GRID2: variants seen among roughly 807,000 people sequenced by gnomAD.
GRID2 encodes glutamate receptor ionotropic, delta-2.
A neutral mutation model predicts 114.8 loss-of-function variants in GRID2; 33 were observed. That is an observed-to-expected ratio of 0.29 (90% CI 0.22 to 0.38). The LOEUF is 0.38. Ranked by LOEUF, GRID2 falls within the 10% of genes least tolerant of loss-of-function variation. The pLI is 1.00. For synonymous variants in GRID2, 505 were observed against 449.9 expected (o/e 1.12, Z -1.55); for missense variants, 1,184 against 1,257.7 (o/e 0.94, Z 0.89).
intron 1 of GRID2, among the ~76,000 whole-genome samples, chr4:92,389,977 G>A (rs540495047): frequency 6.3e-4 from 96 of 152,146 alleles, no homozygotes; most frequent in African/African-American, 2.2e-3. Flanking sequence ...GAAATTCTGG[G>A]AAATGGAGAA....
At chr4:93,438,886 T>C (rs867816639) in intron 10 of GRID2, among the ~76,000 whole-genome samples, 1 of 142,890 alleles carries the variant, frequency 7.0e-6, no homozygotes, top group South Asian at 2.5e-4. Flanking sequence ...CCCGTGTCCA[T>C]GTGTTCTCAT....
intron 1 of GRID2, among the ~76,000 whole-genome samples, chr4:92,380,564 T>A (rs1729571447): frequency 6.6e-6 from 1 of 152,078 alleles, no homozygotes; most frequent in African/African-American, 2.4e-5. Context: ...TTGACTTATG[T>A]TGCATATATA....
intron 8 of GRID2, among the ~76,000 whole-genome samples, chr4:93,249,086 A>G (rs911849647): frequency 2.0e-5 from 3 of 152,204 alleles, no homozygotes; most frequent in South Asian, 2.1e-4. Context: ...AGTTTTCTGC[A>G]TATGGCTAGC....
At position 92,823,245 on chromosome 4, in the gene GRID2, A is replaced by G. The variant is rs147069281; in HGVS notation, c.244+232959A>G. 8.3e-3 allele frequency among the ~76,000 whole-genome samples: 1,264 copies of G among 152,256 alleles called. 14 individuals are homozygous for G. The highest frequency in any genetic ancestry group is 0.028 in the African/African-American group (1,162 of 41,544). ...ATTGCCAATTGGTACAAGGATTAAA[A>G]TTAGGAACTATGAACATTTCATGGC... On this transcript the variant is annotated intron_variant, in intron 2 of 15. Transcript: ENST00000282020.
chr4:93,095,218 T>C (rs901555851), intron 3 of GRID2, among the ~76,000 whole-genome samples: 24 of 152,000 alleles, frequency 1.6e-4, no homozygotes, highest in African/African-American at 5.3e-4. Context: ...GGTGGTTTGT[T>C]GCGCCCATCG....
At chr4:93,798,283 G>A (rs143032924) in intron 1 of GRID2, among the ~76,000 whole-genome samples, 1 of 152,110 alleles carries the variant, frequency 6.6e-6, no homozygotes, top group Non-Finnish European at 1.5e-5. Context: ...TGTGGTGTAG[G>A]ATCACAGTCT....
intron 4 of GRID2, among the ~76,000 whole-genome samples, chr4:93,156,192 T>C (rs1415297755): frequency 6.6e-6 from 1 of 151,814 alleles, no homozygotes; most frequent in African/African-American, 2.4e-5. Flanking sequence ...CACAGTGTTA[T>C]ATGAGTTTAT....
At chr4:93,330,759 A>G (rs1407139624) in intron 8 of GRID2, among the ~76,000 whole-genome samples, 5 of 152,092 alleles carry the variant, frequency 3.3e-5, no homozygotes, top group Non-Finnish European at 7.4e-5. Context: ...CTCCATATAG[A>G]CAACCCTGTC....
chr4:92,404,744 G>A (rs55835709), intron 1 of GRID2, among the ~76,000 whole-genome samples: 1 of 152,230 alleles, frequency 6.6e-6, no homozygotes, highest in Non-Finnish European at 1.5e-5. Context: ...CATGGATGGA[G>A]CTGGAAGCCA....
intron 4 of GRID2, among the ~76,000 whole-genome samples, chr4:93,126,536 A>C (rs948858290): frequency 2.1e-5 from 3 of 145,710 alleles, no homozygotes; most frequent in Non-Finnish European, 4.5e-5. Flanking sequence ...CAGCTGTGGT[A>C]GAAGATAAAA....
intron 2 of GRID2, among the ~76,000 whole-genome samples, chr4:92,669,042 A>G (rs889794589): frequency 6.6e-6 from 1 of 151,860 alleles, no homozygotes; most frequent in African/African-American, 2.4e-5. Flanking sequence ...GATGTCATTT[A>G]TTGCATATAT....
At chr4:92,629,770 T>C (rs1222582244) in intron 2 of GRID2, among the ~76,000 whole-genome samples, 3 of 149,128 alleles carry the variant, frequency 2.0e-5, no homozygotes, top group African/African-American at 4.9e-5. Context: ...TTTTAAAATA[T>C]GTTTTTTCTT....
intron 13 of GRID2, among the ~76,000 whole-genome samples, chr4:93,517,448 G>A (rs1729845762): frequency 6.6e-6 from 1 of 151,910 alleles, no homozygotes; most frequent in Non-Finnish European, 1.5e-5. Flanking sequence ...TTACTAGAGG[G>A]CTAGTGAAAA....
At chr4:93,174,965 T>C (rs1739212445) in intron 4 of GRID2, among the ~76,000 whole-genome samples, 1 of 152,164 alleles carries the variant, frequency 6.6e-6, no homozygotes, top group Non-Finnish European at 1.5e-5. Flanking sequence ...TACTTTCTTA[T>C]TTGTCTAGAG....
chr4:93,662,231 A>G (rs1360917455), intron 14 of GRID2, among the ~76,000 whole-genome samples: 2 of 151,776 alleles, frequency 1.3e-5, no homozygotes, highest in African/African-American at 2.4e-5. Context: ...TGACCAACCT[A>G]CTTAAAGGCA....
chr4:92,532,315 A>T (rs1379165953), intron 1 of GRID2, among the ~76,000 whole-genome samples: 2 of 152,176 alleles, frequency 1.3e-5, no homozygotes, highest in Non-Finnish European at 2.9e-5. Context: ...CATGTATGCA[A>T]GAAGTTGAGG....
At chr4:92,470,107 A>C (rs1364833514) in intron 1 of GRID2, among the ~76,000 whole-genome samples, 2 of 151,918 alleles carry the variant, frequency 1.3e-5, no homozygotes, top group Non-Finnish European at 2.9e-5. Flanking sequence ...CAGGTGTGAA[A>C]ATTTTTAACA....
intron 2 of GRID2, among the ~76,000 whole-genome samples, chr4:93,042,730 G>A (rs956150581): frequency 6.8e-6 from 1 of 146,494 alleles, no homozygotes; most frequent in Non-Finnish European, 1.5e-5. Flanking sequence ...TATAGAGAGA[G>A]AGATAGAGAG....
At chr4:93,524,819 G>GTGTATA (rs1553946394) in intron 13 of GRID2, among the ~76,000 whole-genome samples, 3 of 52,196 alleles carry the variant, frequency 5.7e-5, no homozygotes, top group African/African-American at 1.5e-4. Flanking sequence ...ATATATGTAT[G>GTGTATA]TATGTATATA....
Sources: allele counts gnomAD v4.1 joint callset (sites outside exome capture counted in the v4.1 genomes callset), GRCh38; gene constraint gnomAD v4.1.1; transcripts MANE v1.5; gene names NCBI Gene and HGNC (gene_info 2026-07-23, HGNC 2026-07-21).